IFNL1: variants seen among roughly 807,000 people sequenced by gnomAD.
The protein encoded by IFNL1 is interferon lambda-1.
In IFNL1, 16 loss-of-function variants were observed where a neutral mutation model predicts 17.1. The observed-to-expected ratio is 0.93, with a 90% confidence interval of 0.63 to 1.42. The LOEUF (loss-of-function observed/expected upper bound fraction) is 1.42, where lower values mean the gene tolerates loss of function less well. IFNL1 is among the 40% of genes most tolerant of loss of function. The pLI is 0.00. For synonymous variants in IFNL1, 104 were observed against 111.4 expected (o/e 0.93, Z 0.42); for missense variants, 262 against 249.4 (o/e 1.05, Z -0.34).
In IFNL1 at chr19:39,298,124, C is replaced by T. The variant is rs201641082; in HGVS notation, c.393+17C>T. ...CAGGCCTGTGTGAGTCCTTGGGGCC[C>T]GGGCACCCAGGTCTGTGGGCTCTGA... On this transcript the variant is annotated intron_variant, in intron 3 of 4. Coordinates refer to ENST00000333625, the MANE Select transcript of IFNL1 (RefSeq NM_172140.2). 223 of 1,612,560 alleles carry T rather than the reference C, an allele frequency of 1.4e-4. 2 individuals are homozygous for T. The East Asian group carries it at 3.9e-3, about 28-fold the overall frequency.
rs750719464 is a variant in IFNL1, at chr19:39,298,458, A to G, written c.545A>G (p.Lys182Arg). 1 of 1,614,072 alleles carries G rather than the reference A, an allele frequency of 6.2e-7. No homozygotes were observed. Among genetic ancestry groups the G allele is most frequent in the Admixed American group, 1.7e-5 (1 of 60,016 alleles). ...NLFRLLTRDL[K>R]YVADGNLCLR... Reference sequence around the variant, plus strand: ...TTCCGCCTCCTCACGCGAGACCTCAAATATGTGGCCGATGGGAACCTGTGT... The same window carrying G: ...TTCCGCCTCCTCACGCGAGACCTCAGATATGTGGCCGATGGGAACCTGTGT... Residue 182 changes from lysine (K) to arginine (R), a missense_variant, in exon 5 of 5, where the codon AAA (lysine) becomes AGA (arginine). By Grantham distance (26) the Lys-to-Arg change is conservative. Coordinates refer to ENST00000333625, the MANE Select transcript of IFNL1 (RefSeq NM_172140.2).
At chr19:39,297,217 C>A (rs1033346323) in intron 2 of IFNL1, among the ~76,000 whole-genome samples, 3 of 152,074 alleles carry the variant, frequency 2.0e-5, no homozygotes, top group East Asian at 1.9e-4. Context: ...CCAACACTGA[C>A]CCCCTCTCCC....
At position 39,296,590 on chromosome 19, in the gene IFNL1, T is replaced by G. The variant is rs1486759668; in HGVS notation, c.169T>G (p.Leu57Val). 1 of 1,609,770 alleles carries G rather than the reference T, an allele frequency of 6.2e-7. No individual in the cohort carries two copies. The highest frequency in any genetic ancestry group is 8.5e-7 in the Non-Finnish European group (1 of 1,178,412). Reference protein sequence around the residue: ...LASFKKARDALEESLKLKNWS... With the variant: ...LASFKKARDAVEESLKLKNWS... ...GAGCTTCAAGAAGGCCAGGGACGCC[T>G]TGGTGAGTTCCTGTTGCTGTGGATG... The change falls in exon 1 of 5, where the codon TTG becomes GTG. Residue 57 changes from leucine (L) to valine (V), a missense_variant and splice_region_variant. Transcript: ENST00000333625.
intron 2 of IFNL1, 46 bp downstream of exon 2, chr19:39,296,928 C>A: frequency 1.4e-6 from 2 of 1,449,798 alleles, no homozygotes; most frequent in Non-Finnish European, 1.9e-6. Flanking sequence ...TGACCCTCTC[C>A]CCCCTCTTCT....
Position 39,296,485 on chromosome 19 carries a change from G to C in IFNL1, c.64G>C (p.Val22Leu), listed in dbSNP as rs1463018582. The change falls in exon 1 of 5, where the codon GTC becomes CTC. Residue 22 changes from valine (V) to leucine (L), a missense_variant. Val to Leu is a conservative substitution (Grantham distance 32). Coordinates refer to ENST00000333625, the MANE Select transcript of IFNL1 (RefSeq NM_172140.2). ...GCTAGGCTTGGCCGTGGCAGGCCCT[G>C]TCCCCACTTCCAAGCCCACCACAAC... ...LVLGLAVAGP[V>L]PTSKPTTTGK... The C allele has an allele frequency of 1.2e-6, 2 of 1,613,266 alleles. No individual in the cohort carries two copies. The highest frequency in any genetic ancestry group is 1.7e-6 in the Non-Finnish European group (2 of 1,179,998).
chr19:39,296,777 TG>T, intron 1 of IFNL1, 27 bp from the exon 2 acceptor site: 1 of 1,600,544 alleles, frequency 6.2e-7, no homozygotes, highest in Non-Finnish European at 8.6e-7. Context: ...CATCCTGCTG[TG>T]GGCTAACCCC....
chr19:39,297,980 T>C lies in IFNL1; in HGVS notation c.266T>C (p.Val89Ala). The change falls in exon 3 of 5, where the codon GTG (valine) becomes GCG (alanine). Residue 89 changes from valine (V) to alanine (A), a missense_variant. By Grantham distance (64) the Val-to-Ala change is moderately conservative (BLOSUM62 0). Coordinates refer to ENST00000333625, the MANE Select transcript of IFNL1 (RefSeq NM_172140.2). ...TCTCCTCAGGTGAGGGAGCGCCCTG[T>C]GGCCTTGGAGGCTGAGCTGGCCCTG... ...LRLLQVRERP[V>A]ALEAELALTL... The C allele has an allele frequency of 6.2e-7, 1 of 1,614,174 alleles. No individual in the cohort carries two copies. Among genetic ancestry groups the C allele is most frequent in the Non-Finnish European group, 8.5e-7 (1 of 1,180,026 alleles).
At chr19:39,296,940 A>C in intron 2 of IFNL1, 58 bp downstream of exon 2, 1 of 1,303,590 alleles carries the variant, frequency 7.7e-7, no homozygotes, top group East Asian at 2.3e-5. Flanking sequence ...CCCTCTTCTT[A>C]AGTGGCCCCT....
At chr19:39,296,914 C>G in intron 2 of IFNL1, 32 bp downstream of exon 2, 1 of 1,532,002 alleles carries the variant, frequency 6.5e-7, no homozygotes, top group Non-Finnish European at 9.0e-7. Flanking sequence ...CTTCACCCTT[C>G]CCTTGACCCT....
Position 39,298,353 on chromosome 19 carries a change from C to T in IFNL1, c.478-38C>T, listed in dbSNP as rs767231895. The T allele has an allele frequency of 6.2e-6, 10 of 1,613,990 alleles. No individual in the cohort carries two copies. The Admixed American group carries it at 1.7e-4, about 27-fold the overall frequency. On this transcript the variant is annotated intron_variant, in intron 4 of 4. Coordinates refer to ENST00000333625, the MANE Select transcript of IFNL1 (RefSeq NM_172140.2). ...CTGGGGAGCCAATAGGAGCCCAGAC[C>T]CTGGACAGCCCCTGACCCATCCCCT...
intron 2 of IFNL1, 71 bp from the exon 3 acceptor site, chr19:39,297,893 G>T: frequency 6.3e-7 from 1 of 1,590,102 alleles, no homozygotes. Context: ...CCCCAGGACT[G>T]CCTACCTGTC....
At chr19:39,297,514 T>C (rs1387133032) in intron 2 of IFNL1, among the ~76,000 whole-genome samples, 1 of 152,058 alleles carries the variant, frequency 6.6e-6, no homozygotes. Flanking sequence ...AGACGGGGTT[T>C]CACTATGTTG....
At chr19:39,296,949 C>G in intron 2 of IFNL1, 67 bp downstream of exon 2, 1 of 1,187,766 alleles carries the variant, frequency 8.4e-7, no homozygotes, top group Non-Finnish European at 1.2e-6. Context: ...TAAGTGGCCC[C>G]TTAGCCTTCT....
In IFNL1 at chr19:39,298,222, C is replaced by T; in HGVS notation, c.403C>T (p.Gln135Ter). ...CCTCTTCTGCCCACAGATCCAGCCT[C>T]AGCCCACAGCAGGGCCCAGGCCCCG... ...LSQLQACIQPQPTAGPRPRGR... is the reference protein window; with the variant it reads ...LSQLQACIQP The change falls in exon 4 of 5, where the codon CAG (glutamine) becomes TAG (stop). Residue 135 changes from glutamine to a stop codon, truncating the protein, a stop_gained. Coordinates refer to ENST00000333625, the MANE Select transcript of IFNL1 (RefSeq NM_172140.2). LOFTEE classifies it high-confidence loss of function. 1 of 1,614,064 alleles carries T rather than the reference C, an allele frequency of 6.2e-7. No homozygotes were observed. The highest frequency in any genetic ancestry group is 2.2e-5 in the East Asian group (1 of 44,878).
chr19:39,296,627 C>G, intron 1 of IFNL1, 35 bp downstream of exon 1: 3 of 1,587,662 alleles, frequency 1.9e-6, no homozygotes, highest in Non-Finnish European at 2.6e-6. Context: ...ACCACTTCTA[C>G]GGGTGTCCCA....
rs757751958 is a variant in IFNL1, at chr19:39,296,520, C to T, written c.99C>T (p.Gly33=). ...CCAAGCCCACCACAACTGGGAAGGG[C>T]TGCCACATTGGCAGGTTCAAATCTC... ...PTSKPTTTGK[G]CHIGRFKSLS... The change falls in exon 1 of 5, where the codon GGC becomes GGT. Residue 33 remains glycine, a synonymous_variant. Coordinates refer to ENST00000333625, the MANE Select transcript of IFNL1 (RefSeq NM_172140.2). 1.2e-6 allele frequency: 2 copies of T among 1,613,880 alleles called. No homozygotes were observed. Among genetic ancestry groups the T allele is most frequent in the Non-Finnish European group, 8.5e-7 (1 of 1,180,034 alleles).
intron 2 of IFNL1, among the ~76,000 whole-genome samples, chr19:39,297,624 CCTT>C (rs950221329): frequency 1.3e-5 from 2 of 151,882 alleles, no homozygotes; most frequent in South Asian, 2.1e-4. Context: ...CCAGCCCTAC[CCTT>C]CTTCTCTGTG....
chr19:39,296,753 A>G, intron 1 of IFNL1, 52 bp from the exon 2 acceptor site: 1 of 1,549,392 alleles, frequency 6.5e-7, no homozygotes, highest in Non-Finnish European at 8.9e-7. Context: ...TGCTGCTATG[A>G]GCTAGCTTCC....
At chr19:39,298,345 G>C (rs1664855951) in intron 4 of IFNL1, 46 bp from the exon 5 acceptor site, 1 of 1,613,990 alleles carries the variant, frequency 6.2e-7, no homozygotes, top group Non-Finnish European at 8.5e-7. Context: ...GCCAATAGGA[G>C]CCCAGACCCT....
Sources: gnomAD v4.1 joint callset for allele counts (sites outside exome capture counted in the v4.1 genomes callset) on GRCh38, gnomAD v4.1.1 for gene constraint, MANE v1.5 for transcripts, NCBI Gene and HGNC (gene_info 2026-07-23, HGNC 2026-07-21) for gene names.